SORCS1: variants seen among roughly 807,000 people sequenced by gnomAD.
The protein encoded by SORCS1 is VPS10 domain-containing receptor SorCS1.
Under a neutral mutation model 146.1 loss-of-function variants are expected in SORCS1, and 60 were observed. The observed-to-expected ratio is 0.41, with a 90% confidence interval of 0.33 to 0.51. SORCS1 has a LOEUF of 0.51. Among genes scored for constraint, SORCS1 ranks in the 20% least tolerant of loss-of-function variants. SORCS1 has a pLI of 0.21. For synonymous variants in SORCS1, 637 were observed against 584.0 expected, an observed-to-expected ratio of 1.09 and a Z score of -1.31; for missense variants, 1,352 against 1,487.6, an observed-to-expected ratio of 0.91 and a Z score of 1.50.
chr10:106,606,949 G>A (rs1846641267), intron 23 of SORCS1, among the ~76,000 whole-genome samples: 1 of 152,180 alleles, frequency 6.6e-6, no homozygotes, highest in African/African-American at 2.4e-5. Flanking sequence ...TGAACTGTAA[G>A]TCAATTAAAC....
At chr10:107,010,120 C>A (rs1321366433) in intron 1 of SORCS1, among the ~76,000 whole-genome samples, 1 of 152,208 alleles carries the variant, frequency 6.6e-6, no homozygotes, top group Non-Finnish European at 1.5e-5. Flanking sequence ...ATCCACAACA[C>A]CTGTTTTCAA....
At chr10:106,968,729 C>T (rs2139174085) in intron 1 of SORCS1, among the ~76,000 whole-genome samples, 1 of 152,214 alleles carries the variant, frequency 6.6e-6, no homozygotes, top group East Asian at 1.9e-4. Context: ...GGAATAAAAA[C>T]TGAAAAGAAT....
At position 106,949,470 on chromosome 10, in the gene SORCS1, G is replaced by A. The variant is rs193027527; in HGVS notation, c.626+7043C>T. Among the ~76,000 whole-genome samples the A allele has an allele frequency of 7.8e-4, 119 of 152,206 alleles. 1 individual carries two copies. The highest frequency in any genetic ancestry group is 2.7e-3 in the African/African-American group (114 of 41,518). ...GTTCCCTCCAGCCTGAACCTAGGGAGTTCTCCAGAGAGCACAGGCTGCCCT... is the reference window on the plus strand; with the variant it reads ...GTTCCCTCCAGCCTGAACCTAGGGAATTCTCCAGAGAGCACAGGCTGCCCT... On this transcript the variant is annotated intron_variant, in intron 2 of 25. Coordinates refer to ENST00000263054, the MANE Select transcript of SORCS1 (RefSeq NM_052918.5).
chr10:107,029,899 T>C (rs1477175537), intron 1 of SORCS1, among the ~76,000 whole-genome samples: 1 of 152,222 alleles, frequency 6.6e-6, no homozygotes, highest in Non-Finnish European at 1.5e-5. Flanking sequence ...GAACAGTGTA[T>C]GTGACATCTC....
At chr10:106,699,125 A>T in intron 9 of SORCS1, 89 bp downstream of exon 9, 2 of 1,238,118 alleles carry the variant, frequency 1.6e-6, no homozygotes, top group Non-Finnish European at 2.2e-6. Flanking sequence ...GAACTGTATT[A>T]AAATGACCAG....
chr10:107,054,898 G>T (rs1420232017), intron 1 of SORCS1, among the ~76,000 whole-genome samples: 2 of 152,140 alleles, frequency 1.3e-5, no homozygotes, highest in African/African-American at 2.4e-5. Flanking sequence ...AGATAAAGTG[G>T]TATCACATTT....
At chr10:106,605,653 G>C (rs1405696389) in intron 23 of SORCS1, among the ~76,000 whole-genome samples, 2 of 152,170 alleles carry the variant, frequency 1.3e-5, no homozygotes, top group African/African-American at 4.8e-5. Context: ...AATTTGTAGA[G>C]TATGATGGGA....
At chr10:106,928,434 C>T (rs897550201) in intron 2 of SORCS1, among the ~76,000 whole-genome samples, 1 of 152,240 alleles carries the variant, frequency 6.6e-6, no homozygotes, top group Non-Finnish European at 1.5e-5. Context: ...CCAGCTGGCC[C>T]GCAAGCGCCG....
intron 5 of SORCS1, among the ~76,000 whole-genome samples, chr10:106,748,308 T>C (rs956676799): frequency 2.4e-4 from 37 of 152,204 alleles, no homozygotes; most frequent in African/African-American, 8.0e-4. Context: ...TTTTTCATGA[T>C]TATAACATCT....
intron 2 of SORCS1, among the ~76,000 whole-genome samples, chr10:106,832,016 C>T (rs1202962401): frequency 6.6e-6 from 1 of 152,162 alleles, no homozygotes; most frequent in Admixed American, 6.5e-5. Context: ...CATTCCAGAG[C>T]TATTTCACAG....
intron 1 of SORCS1, among the ~76,000 whole-genome samples, chr10:107,058,156 C>T (rs892122153): frequency 1.3e-5 from 2 of 152,192 alleles, no homozygotes; most frequent in South Asian, 4.1e-4. Flanking sequence ...ATTCTCCTGC[C>T]TCAGCCTCCT....
intron 1 of SORCS1, among the ~76,000 whole-genome samples, chr10:107,067,531 TAA>T (rs1390321471): frequency 6.6e-6 from 1 of 152,200 alleles, no homozygotes; most frequent in African/African-American, 2.4e-5. Flanking sequence ...ACTATATTGA[TAA>T]GATATAGGGA....
intron 1 of SORCS1, among the ~76,000 whole-genome samples, chr10:107,077,910 G>A (rs554444617): frequency 1.3e-5 from 2 of 152,094 alleles, no homozygotes; most frequent in Admixed American, 6.5e-5. Flanking sequence ...AGAGAATTAG[G>A]GTGAGAATTT....
intron 2 of SORCS1, among the ~76,000 whole-genome samples, chr10:106,905,777 T>C (rs1287149142): frequency 3.9e-5 from 6 of 152,238 alleles, no homozygotes; most frequent in Non-Finnish European, 8.8e-5. Flanking sequence ...TGTGCCTGTA[T>C]GCATTTGTAT....
chr10:106,612,640 G>C (rs1847084758), intron 21 of SORCS1, among the ~76,000 whole-genome samples: 1 of 151,950 alleles, frequency 6.6e-6, no homozygotes, highest in African/African-American at 2.4e-5. Flanking sequence ...GCAAGAACAG[G>C]GCAGGGAATT....
At chr10:107,123,627 T>G (rs1966530011) in intron 1 of SORCS1, among the ~76,000 whole-genome samples, 1 of 152,178 alleles carries the variant, frequency 6.6e-6, no homozygotes, top group Non-Finnish European at 1.5e-5. Flanking sequence ...TAACTCAAAA[T>G]GTAAGGATTT....
intron 2 of SORCS1, among the ~76,000 whole-genome samples, chr10:106,948,507 T>A (rs1446935881): frequency 6.6e-6 from 1 of 151,968 alleles, no homozygotes; most frequent in Non-Finnish European, 1.5e-5. Context: ...GCCCCATCTC[T>A]ACAAAAAAAT....
At position 107,122,197 on chromosome 10, in the gene SORCS1, C is replaced by T. The variant is rs539001080; in HGVS notation, c.558+41772G>A. ...ACATTCTTATTTCTGTCTCTCTGTTCTCACAACTAAGCACAATACAAGCAA... is the reference window on the plus strand; with the variant it reads ...ACATTCTTATTTCTGTCTCTCTGTTTTCACAACTAAGCACAATACAAGCAA... On this transcript the variant is annotated intron_variant, in intron 1 of 25. Coordinates refer to ENST00000263054, the MANE Select transcript of SORCS1 (RefSeq NM_052918.5). 2.8e-4 allele frequency among the ~76,000 whole-genome samples: 43 copies of T among 152,326 alleles called. No homozygotes were observed. In the South Asian group the frequency reaches 8.7e-3, roughly 31 times the overall value.
At chr10:106,597,042 G>A (rs1420888707) in intron 24 of SORCS1, among the ~76,000 whole-genome samples, 1 of 152,104 alleles carries the variant, frequency 6.6e-6, no homozygotes, top group Non-Finnish European at 1.5e-5. Context: ...AGTACAGATG[G>A]GGTTTCACCA....
Sources: gnomAD v4.1 joint callset for allele counts (sites outside exome capture counted in the v4.1 genomes callset) on GRCh38, gnomAD v4.1.1 for gene constraint, MANE v1.5 for transcripts, NCBI Gene and HGNC (gene_info 2026-07-23, HGNC 2026-07-21) for gene names.